The following FLYWCH1 variants were observed in gnomAD, a reference collection of about 807,000 sequenced individuals.
FLYWCH1 encodes the protein FLYWCH-type zinc finger-containing protein 1.
In FLYWCH1, 75 loss-of-function variants were observed where a neutral mutation model predicts 66.4. That is an observed-to-expected ratio of 1.13 (90% CI 0.94 to 1.37). The LOEUF (loss-of-function observed/expected upper bound fraction) is 1.37, where lower values mean the gene tolerates loss of function less well. FLYWCH1 is among the 40% of genes most tolerant of loss of function. The pLI is 0.00. For synonymous variants in FLYWCH1, 595 were observed against 429.9 expected (o/e 1.38, Z -4.75); for missense variants, 1,334 against 1,001.8 (o/e 1.33, Z -4.48).
intron 2 of FLYWCH1, among the ~76,000 whole-genome samples, chr16:2,926,030 C>G (rs1426928448): frequency 1.3e-5 from 2 of 152,164 alleles, no homozygotes; most frequent in South Asian, 2.1e-4. Flanking sequence ...TCTGCCCACA[C>G]TCAGTTGCCC....
At chr16:2,932,011 G>A (rs771360717) in intron 4 of FLYWCH1, among the ~76,000 whole-genome samples, 12 of 151,960 alleles carry the variant, frequency 7.9e-5, no homozygotes, top group Non-Finnish European at 1.2e-4. Context: ...CCAGCTACTC[G>A]GGAGGCTGAG....
chr16:2,946,408 G>A (rs1002512961), intron 9 of FLYWCH1, among the ~76,000 whole-genome samples: 3 of 126,640 alleles, frequency 2.4e-5, no homozygotes, highest in African/African-American at 6.2e-5. Context: ...TGCAACCTCC[G>A]CCTCCCAGGT....
chr16:2,946,184 G>A (rs998183342), intron 9 of FLYWCH1, among the ~76,000 whole-genome samples: 2 of 151,996 alleles, frequency 1.3e-5, no homozygotes, highest in Non-Finnish European at 2.9e-5. Flanking sequence ...TAGCCTGAGT[G>A]TTGAGTGTTG....
At chr16:2,938,607 G>GTTTTTTT (rs35169451) in intron 8 of FLYWCH1, among the ~76,000 whole-genome samples, 151 bp downstream of exon 8, 96 of 129,174 alleles carry the variant, frequency 7.4e-4, no homozygotes, top group Non-Finnish European at 1.1e-3. Context: ...ACCAGTCTTT[G>GTTTTTTT]TTTTTTTTTT....
intron 9 of FLYWCH1, among the ~76,000 whole-genome samples, chr16:2,942,912 G>A (rs957055401): frequency 2.0e-5 from 3 of 151,580 alleles, no homozygotes; most frequent in Non-Finnish European, 4.4e-5. Context: ...ATGTTGGCTA[G>A]GCTGGTCACG....
At chr16:2,934,643 C>T (rs1052764071) in intron 6 of FLYWCH1, 3 of 456,802 alleles carry the variant, frequency 6.6e-6, no homozygotes, top group African/African-American at 2.0e-5. Flanking sequence ...AGTGGCTCTT[C>T]CGGATCCTGC....
rs1454426309 is a variant in FLYWCH1, at chr16:2,930,566, C to G, written c.482C>G (p.Thr161Ser). ...AELGCRGRAITRGLRATVMRG... is the reference protein window; with the variant it reads ...AELGCRGRAISRGLRATVMRG... The stretch of plus-strand genomic sequence containing the variant: ...CTGGGCTGCCGGGGCCGGGCCATCA[C>G]CCGAGGCCTGCGGGCCACAGTGATG... The change falls in exon 4 of 10, where the codon ACC becomes AGC. Residue 161 changes from threonine (T) to serine (S), a missense_variant. Thr to Ser is a moderately conservative substitution (Grantham distance 58). Coordinates refer to ENST00000253928, the MANE Select transcript of FLYWCH1 (RefSeq NM_001308068.2). The G allele has an allele frequency of 1.3e-6, 2 of 1,556,916 alleles. No individual in the cohort carries two copies. Among genetic ancestry groups the G allele is most frequent in the Admixed American group, 2.0e-5 (1 of 49,636 alleles).
In FLYWCH1 at chr16:2,933,951, C is replaced by T. The variant is rs1388200772; in HGVS notation, c.1485C>T (p.Arg495=). Residue 495 remains arginine, a synonymous_variant, in exon 6 of 10, where the codon CGC becomes CGT. Transcript: ENST00000253928. ...GLEALRQREK[R]PNTAQRGSPG... is the part of the protein sequence containing the mutation. ...AGGCCCTGAGGCAGCGGGAGAAACG[C>T]CCCAACACGGCGCAGCGGGGGAGCC... is the stretch of plus-strand genomic sequence containing the variant. 30 of 1,556,986 alleles carry T rather than the reference C, an allele frequency of 1.9e-5. No individual in the cohort carries two copies. The highest frequency in any genetic ancestry group is 2.5e-5 in the Non-Finnish European group (29 of 1,150,710).
intron 9 of FLYWCH1, among the ~76,000 whole-genome samples, chr16:2,941,370 C>T (rs975098277): frequency 2.0e-5 from 3 of 152,106 alleles, no homozygotes; most frequent in Non-Finnish European, 2.9e-5. Context: ...CACTGAAAGC[C>T]GTGCTTAGAG....
intron 6 of FLYWCH1, chr16:2,934,637 G>C (rs1305430207): frequency 2.2e-6 from 1 of 456,842 alleles, no homozygotes; most frequent in Non-Finnish European, 4.4e-6. Context: ...CTTTCCAGTG[G>C]CTCTTCCGGA....
chr16:2,936,114 T>C (rs1055019834), intron 6 of FLYWCH1: 5 of 271,270 alleles, frequency 1.8e-5, no homozygotes, highest in South Asian at 6.9e-5. Flanking sequence ...GGTTTCACCA[T>C]GTTGGCCAGG....
At chr16:2,936,734 G>C (rs188577263) in intron 6 of FLYWCH1, 2 of 478,864 alleles carry the variant, frequency 4.2e-6, no homozygotes, top group Admixed American at 2.3e-5. Flanking sequence ...AGCCCCATCC[G>C]GCTCCTGAGC....
intron 6 of FLYWCH1, chr16:2,936,472 C>G (rs1479253678): frequency 2.2e-6 from 1 of 445,448 alleles, no homozygotes; most frequent in Non-Finnish European, 4.5e-6. Context: ...GGCCTCTCCT[C>G]TAGGGCTTGC....
intron 2 of FLYWCH1, among the ~76,000 whole-genome samples, chr16:2,919,861 A>G (rs533103322): frequency 1.2e-4 from 18 of 152,116 alleles, no homozygotes; most frequent in Middle Eastern, 6.8e-3. Context: ...GGCCATATGG[A>G]GTATTGCTGC....
chr16:2,922,313 C>G (rs1034063813), intron 2 of FLYWCH1: 6 of 159,450 alleles, frequency 3.8e-5, no homozygotes, highest in Non-Finnish European at 8.2e-5. Context: ...AAATTGCATC[C>G]TACAACCCTT....
In FLYWCH1 at chr16:2,937,220, G is replaced by A; in HGVS notation, c.1613G>A (p.Trp538Ter). ...AAGGCGGCCGGGGAGAAGGTGTATT[G>A]GACCTGCCGGGACCAGGCCCGCATG... is the stretch of plus-strand genomic sequence containing the variant. ...REKAAGEKVY[W>*]TCRDQARMGC... is the part of the protein sequence containing the mutation. The change falls in exon 7 of 10, where the codon TGG becomes TAG. Residue 538 changes from tryptophan to a stop codon, truncating the protein, a stop_gained. Transcript: ENST00000253928. LOFTEE classifies it high-confidence loss of function. The A allele has an allele frequency of 6.4e-7, 1 of 1,558,334 alleles. No individual in the cohort carries two copies. Among genetic ancestry groups the A allele is most frequent in the South Asian group, 1.1e-5 (1 of 87,844 alleles).
At position 2,930,501 on chromosome 16, in the gene FLYWCH1, G is replaced by A. The variant is rs1262413592; in HGVS notation, c.417G>A (p.Val139=). Reference sequence around the variant, plus strand: ...TCCTGTACAAGCAGGAGAAGGCAGTGGGGGACAAGGTGTACTGGAAGTGCC... The same window carrying A: ...TCCTGTACAAGCAGGAGAAGGCAGTAGGGGACAAGGTGTACTGGAAGTGCC... ...ESFLYKQEKA[V]GDKVYWKCRQ... Residue 139 remains valine, a synonymous_variant, in exon 4 of 10, where the codon GTG becomes GTA. Transcript: ENST00000253928. 6.5e-7 allele frequency: 1 copy of A among 1,534,584 alleles called. No individual in the cohort carries two copies. Among genetic ancestry groups the A allele is most frequent in the South Asian group, 1.2e-5 (1 of 80,576 alleles).
chr16:2,939,835 A>T (rs567422602), intron 8 of FLYWCH1, 197 bp from the exon 9 acceptor site: 107 of 492,230 alleles, frequency 2.2e-4, no homozygotes, highest in Non-Finnish European at 3.4e-4. Context: ...CAGCAGCTGA[A>T]GGTCAACTCT....
chr16:2,944,144 T>C (rs2071383905), intron 9 of FLYWCH1, among the ~76,000 whole-genome samples: 1 of 152,022 alleles, frequency 6.6e-6, no homozygotes, highest in Non-Finnish European at 1.5e-5. Flanking sequence ...CCCAGCACTC[T>C]GGGAGGCTGA....
Sources: gnomAD v4.1 joint callset for allele counts (sites outside exome capture counted in the v4.1 genomes callset) on GRCh38, gnomAD v4.1.1 for gene constraint, MANE v1.5 for transcripts, NCBI Gene and HGNC (gene_info 2026-07-23, HGNC 2026-07-21) for gene names.